The following TIPRL variants were observed in gnomAD, a reference collection of about 807,000 sequenced individuals.
TIPRL encodes TIP41-like protein.
A neutral mutation model predicts 32.3 loss-of-function variants in TIPRL; 10 were observed. That is an observed-to-expected ratio of 0.31 (90% CI 0.19 to 0.52). TIPRL has a LOEUF of 0.52. Among genes scored for constraint, TIPRL ranks in the 20% least tolerant of loss-of-function variants. The pLI, the probability that TIPRL is intolerant of heterozygous loss-of-function variation, is 0.96. For missense variants in TIPRL, 250 were observed against 328.1 expected, an observed-to-expected ratio of 0.76 and a Z score of 1.84; for synonymous variants, 100 against 114.0, an observed-to-expected ratio of 0.88 and a Z score of 0.78.
At chr1:168,196,696 G>C in intron 5 of TIPRL, 54 bp downstream of exon 5, 1 of 1,247,900 alleles carries the variant, frequency 8.0e-7, no homozygotes, top group East Asian at 2.5e-5. Context: ...TGTTTGTGTT[G>C]TTTAATTGTC....
At chr1:168,183,793 T>G (rs1173332423) in intron 1 of TIPRL, 109 bp from the exon 2 acceptor site, 2 of 1,114,406 alleles carry the variant, frequency 1.8e-6, no homozygotes, top group East Asian at 4.7e-5. Context: ...TTAAATCATG[T>G]GCTGTGTAAC....
At chr1:168,196,014 A>G (rs1379074177) in intron 4 of TIPRL, among the ~76,000 whole-genome samples, 1 of 152,214 alleles carries the variant, frequency 6.6e-6, no homozygotes. Context: ...GAATTTGTAG[A>G]TGTGCCACAG....
intron 4 of TIPRL, among the ~76,000 whole-genome samples, chr1:168,192,720 A>G (rs1700113409): frequency 6.6e-6 from 1 of 152,254 alleles, no homozygotes; most frequent in South Asian, 2.1e-4. Context: ...CCCCGTCTCT[A>G]CTAAAAATAC....
intron 1 of TIPRL, among the ~76,000 whole-genome samples, chr1:168,181,330 G>C (rs1572428303): frequency 6.6e-6 from 1 of 151,674 alleles, no homozygotes; most frequent in East Asian, 1.9e-4. Flanking sequence ...CTCCTGCCCA[G>C]CCTCCCAAGT....
chr1:168,191,329 T>G (rs2102310424), intron 3 of TIPRL, 40 bp from the exon 4 acceptor site: 1 of 1,500,478 alleles, frequency 6.7e-7, no homozygotes, highest in Non-Finnish European at 8.8e-7. Flanking sequence ...CTCCTCAACT[T>G]TTTTTTTAAT....
chr1:168,193,355 A>C (rs947433859), intron 4 of TIPRL, among the ~76,000 whole-genome samples: 2 of 152,180 alleles, frequency 1.3e-5, no homozygotes, highest in Non-Finnish European at 2.9e-5. Context: ...ACTAATTGCA[A>C]AGTTTTCTTT....
At chr1:168,189,045 G>T (rs932395085) in intron 3 of TIPRL, among the ~76,000 whole-genome samples, 1 of 152,126 alleles carries the variant, frequency 6.6e-6, no homozygotes, top group Non-Finnish European at 1.5e-5. Context: ...TGATTTGGGA[G>T]GAAGCAGGAA....
chr1:168,192,020 C>A (rs1300700729), intron 4 of TIPRL, among the ~76,000 whole-genome samples: 1 of 152,064 alleles, frequency 6.6e-6, no homozygotes, highest in Non-Finnish European at 1.5e-5. Context: ...TTTTAATAGA[C>A]CTGCCTGGCC....
At chr1:168,191,273 CTGAT>C (rs1408952219) in intron 3 of TIPRL, 92 bp from the exon 4 acceptor site, 6 of 1,153,562 alleles carry the variant, frequency 5.2e-6, no homozygotes, top group East Asian at 5.7e-5. Flanking sequence ...GTAGAAAAGA[CTGAT>C]TGAAAAAGAA....
intron 1 of TIPRL, 111 bp from the exon 2 acceptor site, chr1:168,183,791 T>G: frequency 9.2e-7 from 1 of 1,082,576 alleles, no homozygotes; most frequent in Non-Finnish European, 1.3e-6. Context: ...GATTAAATCA[T>G]GTGCTGTGTA....
chr1:168,187,908 G>T (rs1700047637), intron 3 of TIPRL, among the ~76,000 whole-genome samples: 1 of 152,142 alleles, frequency 6.6e-6, no homozygotes. Flanking sequence ...GGAAGGCGAG[G>T]CTGCAGTGAG....
chr1:168,193,384 C>T (rs1057318306), intron 4 of TIPRL, among the ~76,000 whole-genome samples: 5 of 152,158 alleles, frequency 3.3e-5, no homozygotes, highest in Non-Finnish European at 1.5e-5. Flanking sequence ...TAATATATAT[C>T]ATTATTCTAG....
chr1:168,196,314 C>G (rs896894261), intron 4 of TIPRL, among the ~76,000 whole-genome samples: 16 of 151,988 alleles, frequency 1.1e-4, no homozygotes, highest in Non-Finnish European at 1.6e-4. Flanking sequence ...ATCTCCTCAC[C>G]TAGAAAAAAT....
chr1:168,195,223 T>C (rs917061587), intron 4 of TIPRL, among the ~76,000 whole-genome samples: 1 of 152,238 alleles, frequency 6.6e-6, no homozygotes, highest in East Asian at 1.9e-4. Context: ...TTATAGGCAG[T>C]TCCCTGAATA....
At chr1:168,191,237 A>C in intron 3 of TIPRL, 132 bp from the exon 4 acceptor site, 1 of 722,650 alleles carries the variant, frequency 1.4e-6, no homozygotes, top group Non-Finnish European at 2.1e-6. Context: ...ATGACACCCA[A>C]ATTTAGAACT....
In TIPRL at chr1:168,178,975, G is replaced by T; in HGVS notation, c.-103G>T. The stretch of plus-strand genomic sequence containing the variant: ...GCGGGGCCGGGCATGGTAACGGCTC[G>T]GAAGCCTAGGAGGCTGGGCCGGAGG... On this transcript the variant is annotated 5_prime_UTR_variant, in exon 1 of 7. Coordinates refer to ENST00000367833, the MANE Select transcript of TIPRL (RefSeq NM_152902.5). 1 of 1,044,372 alleles carries T rather than the reference G, an allele frequency of 9.6e-7. No individual in the cohort carries two copies. Among genetic ancestry groups the T allele is most frequent in the Admixed American group, 2.5e-5 (1 of 39,592 alleles). The allele number at this position is 1,044,372 out of a possible 1,614,324, so 64.7% of individuals were successfully genotyped here. A position where few individuals can be genotyped will look rare whatever the true frequency, so the allele number is the denominator to read the frequency against.
rs1357317336 is a variant in TIPRL, at chr1:168,201,433, A to T, written c.*1387A>T. 1 of 152,026 alleles carries T rather than the reference A, an allele frequency of 6.6e-6. No individual in the cohort carries two copies. Among genetic ancestry groups the T allele is most frequent in the Non-Finnish European group, 1.5e-5 (1 of 67,960 alleles). 9.4% of individuals were successfully genotyped at this position (152,026 alleles called of 1,614,324 possible). On this transcript the variant is annotated 3_prime_UTR_variant, in exon 7 of 7. Transcript: ENST00000367833. ...CGTCATTGCTCAAACTCTATAGTGTATTGCTGGAGCCAATAGGCAGGGTAT... is the reference window on the plus strand; with the variant it reads ...CGTCATTGCTCAAACTCTATAGTGTTTTGCTGGAGCCAATAGGCAGGGTAT...
chr1:168,185,554 C>A (rs1399525159), intron 3 of TIPRL, among the ~76,000 whole-genome samples: 1 of 146,324 alleles, frequency 6.8e-6, no homozygotes, highest in Non-Finnish European at 1.5e-5. Flanking sequence ...AGGCAGATCA[C>A]GAGGTCAGGA....
rs190836744 is a variant in TIPRL at position 168,188,754 on chromosome 1, G to A, written c.385-2615G>A. On this transcript the variant is annotated intron_variant, in intron 3 of 6. Coordinates refer to ENST00000367833, the MANE Select transcript of TIPRL (RefSeq NM_152902.5). The stretch of plus-strand genomic sequence containing the variant: ...AATACTTTAGGAGGCCGAGGCAGGC[G>A]GAACACCTGAGGTCAGGAGTTCGAG... 1.8e-4 allele frequency among the ~76,000 whole-genome samples: 28 copies of A among 152,170 alleles called. No homozygotes were observed. In the East Asian group the frequency reaches 2.3e-3, roughly 13 times the overall value.
Sources: gnomAD v4.1 joint callset for allele counts (sites outside exome capture counted in the v4.1 genomes callset) on GRCh38, gnomAD v4.1.1 for gene constraint, MANE v1.5 for transcripts, NCBI Gene and HGNC (gene_info 2026-07-23, HGNC 2026-07-21) for gene names.